MAGI2: variants seen among roughly 807,000 people sequenced by gnomAD.
The protein encoded by MAGI2 is membrane-associated guanylate kinase, WW and PDZ domain-containing protein 2.
MAGI2 carries 35 observed loss-of-function variants against 133.3 expected under a neutral mutation model. The observed-to-expected ratio is 0.26, with a 90% CI of 0.20 to 0.35. MAGI2 has a LOEUF of 0.35. MAGI2 is among the 10% of genes least tolerant of loss of function. MAGI2 has a pLI of 1.00. For missense variants in MAGI2, 1,636 were observed against 1,863.4 expected (o/e 0.88, Z 2.25); for synonymous variants, 729 against 710.6 (o/e 1.03, Z -0.41).
intron 1 of MAGI2, among the ~76,000 whole-genome samples, chr7:79,117,360 T>C (rs922793785): frequency 1.3e-5 from 2 of 152,158 alleles, no homozygotes; most frequent in Non-Finnish European, 2.9e-5. Flanking sequence ...TAATTCACTT[T>C]TAAATAAATT....
At chr7:79,079,385 A>C (rs1190214048) in intron 1 of MAGI2, among the ~76,000 whole-genome samples, 1 of 152,186 alleles carries the variant, frequency 6.6e-6, no homozygotes, top group African/African-American at 2.4e-5. Flanking sequence ...ACAGCTTCAC[A>C]AGTGGTCGAT....
At chr7:78,682,379 C>A (rs1815774770) in intron 2 of MAGI2, among the ~76,000 whole-genome samples, 2 of 152,176 alleles carry the variant, frequency 1.3e-5, no homozygotes, top group Middle Eastern at 3.4e-3. Flanking sequence ...CCCTTGCCCC[C>A]CACCCACCAG....
chr7:79,202,407 C>G (rs1368971962), intron 1 of MAGI2, among the ~76,000 whole-genome samples: 2 of 151,806 alleles, frequency 1.3e-5, no homozygotes, highest in African/African-American at 4.9e-5. Context: ...TTTATACAAA[C>G]AGCCCTAATA....
At chr7:78,677,910 C>A (rs751028794) in intron 2 of MAGI2, among the ~76,000 whole-genome samples, 1 of 151,994 alleles carries the variant, frequency 6.6e-6, no homozygotes, top group Non-Finnish European at 1.5e-5. Context: ...TGGTGCATAG[C>A]CTCAGGGCAC....
At chr7:78,347,006 C>A (rs17150566) in intron 7 of MAGI2, 1 of 152,150 alleles carries the variant, frequency 6.6e-6, no homozygotes, top group Non-Finnish European at 1.5e-5. Context: ...ACTTGCATTC[C>A]AATTATTCAC....
chr7:79,218,169 T>G (rs1364331938), intron 1 of MAGI2, among the ~76,000 whole-genome samples: 1 of 152,004 alleles, frequency 6.6e-6, no homozygotes, highest in Non-Finnish European at 1.5e-5. Flanking sequence ...AATATGTACC[T>G]TGAGCCTGTC....
chr7:78,845,469 G>C (rs927753206), intron 2 of MAGI2, among the ~76,000 whole-genome samples: 4 of 151,818 alleles, frequency 2.6e-5, no homozygotes, highest in Admixed American at 6.6e-5. Flanking sequence ...TGAAGGCCTT[G>C]GATGATACGA....
chr7:78,353,410 C>T (rs1449944087), intron 7 of MAGI2, among the ~76,000 whole-genome samples: 1 of 152,182 alleles, frequency 6.6e-6, no homozygotes, highest in Admixed American at 6.5e-5. Flanking sequence ...GTGGGGGAGA[C>T]ACACAAGTTG....
At chr7:79,442,761 T>TA (rs11369580) in intron 1 of MAGI2, among the ~76,000 whole-genome samples, 20,379 of 152,004 alleles carry the variant, frequency 0.13, 1,711 homozygotes, top group African/African-American at 0.24. Flanking sequence ...ACAAAATGTC[T>TA]ACTCCCTAAG....
chr7:78,143,481 G>T (rs1354674826), intron 16 of MAGI2, among the ~76,000 whole-genome samples: 1 of 151,954 alleles, frequency 6.6e-6, no homozygotes, highest in Non-Finnish European at 1.5e-5. Context: ...GTTATTACTA[G>T]AAAATACTAG....
intron 1 of MAGI2, among the ~76,000 whole-genome samples, chr7:79,031,610 C>T (rs897729741): frequency 7.9e-5 from 12 of 152,132 alleles, no homozygotes; most frequent in African/African-American, 2.9e-4. Flanking sequence ...TATAGTTCAG[C>T]TACAATGACT....
intron 2 of MAGI2, among the ~76,000 whole-genome samples, chr7:78,740,353 T>A (rs77516704): frequency 0.012 from 1,828 of 152,290 alleles, 46 homozygotes; most frequent in African/African-American, 0.042. Flanking sequence ...AAAATCTTTT[T>A]TACAGCAAAG....
At chr7:78,282,295 A>C (rs1327216003) in intron 9 of MAGI2, among the ~76,000 whole-genome samples, 1 of 152,104 alleles carries the variant, frequency 6.6e-6, no homozygotes, top group Non-Finnish European at 1.5e-5. Context: ...TTCTTTCCAA[A>C]GGCCATTGAA....
intron 2 of MAGI2, among the ~76,000 whole-genome samples, chr7:78,633,891 T>A (rs190140167): frequency 1.3e-5 from 2 of 152,066 alleles, no homozygotes; most frequent in Admixed American, 6.5e-5. Flanking sequence ...ATAATAGACA[T>A]AAAAGGGCAT....
intron 21 of MAGI2, among the ~76,000 whole-genome samples, chr7:78,072,355 T>C (rs1421380665): frequency 6.6e-6 from 1 of 152,218 alleles, no homozygotes; most frequent in Non-Finnish European, 1.5e-5. Flanking sequence ...AGCAGATCCT[T>C]TGAGACCTTT....
chr7:78,674,106 G>C (rs535663563), intron 2 of MAGI2, among the ~76,000 whole-genome samples: 1 of 152,218 alleles, frequency 6.6e-6, no homozygotes, highest in Admixed American at 6.5e-5. Flanking sequence ...ACAATTTTTT[G>C]CTATACAGTG....
intron 3 of MAGI2, among the ~76,000 whole-genome samples, chr7:78,532,955 T>C (rs994888624): frequency 1.3e-5 from 2 of 152,130 alleles, no homozygotes; most frequent in Non-Finnish European, 2.9e-5. Flanking sequence ...TCTTTTTTTT[T>C]TTTTGAGATG....
At chr7:78,215,868 G>C (rs1288922145) in intron 10 of MAGI2, among the ~76,000 whole-genome samples, 3 of 152,168 alleles carry the variant, frequency 2.0e-5, no homozygotes, top group Non-Finnish European at 4.4e-5. Flanking sequence ...AAGTGCCTTT[G>C]GTTAATGGGA....
At chr7:79,120,940 A>T (rs1819839601) in intron 1 of MAGI2, among the ~76,000 whole-genome samples, 1 of 152,114 alleles carries the variant, frequency 6.6e-6, no homozygotes, top group Non-Finnish European at 1.5e-5. Context: ...TTCTGAATAT[A>T]TAAGTTTAGG....
Sources: allele counts gnomAD v4.1 joint callset (sites outside exome capture counted in the v4.1 genomes callset), GRCh38; gene constraint gnomAD v4.1.1; transcripts MANE v1.5; gene names NCBI Gene and HGNC (gene_info 2026-07-23, HGNC 2026-07-21).